The following ZFPM2 variants were observed in gnomAD, a reference collection of about 807,000 sequenced individuals.
ZFPM2 encodes zinc finger protein ZFPM2.
In ZFPM2, 20 loss-of-function variants were observed where a neutral mutation model predicts 98.6. The ratio of observed to expected loss-of-function variants is 0.20; its 90% CI spans 0.14 to 0.29. ZFPM2 has a LOEUF of 0.29. Ranked by LOEUF, ZFPM2 falls within the 10% of genes least tolerant of loss-of-function variation. ZFPM2 has a pLI of 1.00. For synonymous variants in ZFPM2, 518 were observed against 502.7 expected, an observed-to-expected ratio of 1.03 and a Z score of -0.41; for missense variants, 1,310 against 1,388.6, an observed-to-expected ratio of 0.94 and a Z score of 0.90.
At chr8:105,633,489 G>GA (rs756542224) in intron 4 of ZFPM2, among the ~76,000 whole-genome samples, 1 of 152,230 alleles carries the variant, frequency 6.6e-6, no homozygotes, top group East Asian at 1.9e-4. Flanking sequence ...AAATAATTTG[G>GA]ATGCCAAACA....
chr8:105,448,511 G>A (rs990502361), intron 3 of ZFPM2, among the ~76,000 whole-genome samples: 6 of 151,932 alleles, frequency 3.9e-5, no homozygotes, highest in Non-Finnish European at 5.9e-5. Flanking sequence ...CATGCTGTCT[G>A]TATTCTCATT....
intron 3 of ZFPM2, among the ~76,000 whole-genome samples, chr8:105,538,167 A>G (rs1299145592): frequency 6.6e-6 from 1 of 151,956 alleles, no homozygotes; most frequent in Admixed American, 6.6e-5. Flanking sequence ...GTCTGCACAT[A>G]TTGATTGTAA....
At chr8:105,603,035 T>C (rs1816124109) in intron 4 of ZFPM2, among the ~76,000 whole-genome samples, 1 of 152,158 alleles carries the variant, frequency 6.6e-6, no homozygotes, top group Non-Finnish European at 1.5e-5. Flanking sequence ...TGTACTATGA[T>C]ACATGGAGAA....
intron 3 of ZFPM2, among the ~76,000 whole-genome samples, chr8:105,487,221 T>C (rs1813247171): frequency 6.6e-6 from 1 of 152,104 alleles, no homozygotes; most frequent in African/African-American, 2.4e-5. Context: ...CAAGCGATCC[T>C]CCCACCGCAG....
chr8:105,580,827 C>CTCTCTCTATA (rs1277698205), intron 4 of ZFPM2, among the ~76,000 whole-genome samples: 15 of 131,468 alleles, frequency 1.1e-4, no homozygotes, highest in African/African-American at 4.2e-4. Context: ...CTCTCTCTCT[C>CTCTCTCTATA]TATATATATA....
At chr8:105,793,455 G>T (rs1037979725) in intron 6 of ZFPM2, among the ~76,000 whole-genome samples, 6 of 152,124 alleles carry the variant, frequency 3.9e-5, no homozygotes, top group South Asian at 2.1e-4. Context: ...CGAGAGATCC[G>T]CTGTTAGTCT....
At chr8:105,417,029 G>T (rs1315932976) in intron 1 of ZFPM2, among the ~76,000 whole-genome samples, 3 of 152,062 alleles carry the variant, frequency 2.0e-5, no homozygotes, top group Non-Finnish European at 4.4e-5. Flanking sequence ...CATGCCTGTA[G>T]TCCCAGCTTC....
At chr8:105,633,208 A>G (rs1259970110) in intron 4 of ZFPM2, among the ~76,000 whole-genome samples, 1 of 152,230 alleles carries the variant, frequency 6.6e-6, no homozygotes, top group Non-Finnish European at 1.5e-5. Flanking sequence ...GATAGCATGC[A>G]TCATGTGGAA....
intron 3 of ZFPM2, among the ~76,000 whole-genome samples, chr8:105,471,689 C>T (rs181122737): frequency 7.8e-4 from 119 of 152,180 alleles, no homozygotes; most frequent in Non-Finnish European, 1.5e-3. Flanking sequence ...TACATCCTCT[C>T]CAAATCCAAA....
In ZFPM2 at chr8:105,561,381, A is replaced by G. The variant is rs776263816; in HGVS notation, c.320A>G (p.Gln107Arg). 2.9e-5 allele frequency: 46 copies of G among 1,613,538 alleles called. 1 individual carries two copies. The East Asian group carries it at 1.0e-3, about 36-fold the overall frequency. ...WDGPGELEVF[Q>R]KDGERKIQSR... is the part of the protein sequence containing the mutation. ...TCTGCAGGAGAGCTGGAGGTGTTTC[A>G]GAAAGATGGGGAACGAAAAATTCAG... is the stretch of plus-strand genomic sequence containing the variant. The change falls in exon 4 of 8, where the codon CAG becomes CGG. Residue 107 changes from glutamine (Q) to arginine (R), a missense_variant. Physicochemically the swap from Gln to Arg is conservative, Grantham distance 43 (BLOSUM62 1). Transcript: ENST00000407775.
chr8:105,332,221 G>A (rs1220100930), intron 1 of ZFPM2, among the ~76,000 whole-genome samples: 1 of 151,632 alleles, frequency 6.6e-6, no homozygotes, highest in Non-Finnish European at 1.5e-5. Flanking sequence ...CCCATTTAAA[G>A]TTGCCTCAGT....
Position 105,802,052 on chromosome 8 carries a change from G to C in ZFPM2, c.1970G>C (p.Ser657Thr). The C allele has an allele frequency of 6.2e-7, 1 of 1,613,740 alleles. No homozygotes were observed. Among genetic ancestry groups the C allele is most frequent in the Non-Finnish European group, 8.5e-7 (1 of 1,179,844 alleles). The change falls in exon 8 of 8, where the codon AGT becomes ACT. Residue 657 changes from serine (S) to threonine (T), a missense_variant. Physicochemically the swap from Ser to Thr is moderately conservative, Grantham distance 58 (BLOSUM62 1). Transcript: ENST00000407775. ...CAAACTAAGAAGCTCTCCACCTCCA[G>C]TAACAATGATGACAAAATTAATGGA... is the stretch of plus-strand genomic sequence containing the variant. ...STQTKKLSTSSNNDDKINGKP... is the reference protein window; with the variant it reads ...STQTKKLSTSTNNDDKINGKP...
At chr8:105,357,259 C>A (rs907496231) in intron 1 of ZFPM2, among the ~76,000 whole-genome samples, 1 of 152,168 alleles carries the variant, frequency 6.6e-6, no homozygotes, top group African/African-American at 2.4e-5. Flanking sequence ...TCAGTATTCT[C>A]CTAATCCACA....
chr8:105,712,498 C>A (rs551412430), intron 5 of ZFPM2, among the ~76,000 whole-genome samples: 1 of 151,700 alleles, frequency 6.6e-6, no homozygotes, highest in Admixed American at 6.6e-5. Flanking sequence ...TCAAATCTTA[C>A]CAGCTTGTAA....
At chr8:105,775,747 G>A (rs1481268923) in intron 5 of ZFPM2, among the ~76,000 whole-genome samples, 1 of 152,026 alleles carries the variant, frequency 6.6e-6, no homozygotes, top group African/African-American at 2.4e-5. Context: ...CTACCTCAGT[G>A]CCCCACCGCA....
chr8:105,735,711 T>A (rs1812052339), intron 5 of ZFPM2, among the ~76,000 whole-genome samples: 1 of 151,942 alleles, frequency 6.6e-6, no homozygotes, highest in Admixed American at 6.6e-5. Context: ...ATACTTTGAG[T>A]CATTTTTAGG....
intron 5 of ZFPM2, among the ~76,000 whole-genome samples, chr8:105,651,548 C>G (rs1817177012): frequency 6.6e-6 from 1 of 151,950 alleles, no homozygotes; most frequent in Non-Finnish European, 1.5e-5. Flanking sequence ...TGATAACCTT[C>G]TCACCATCTG....
chr8:105,799,026 C>T (rs1813921709), intron 7 of ZFPM2, 78 bp downstream of exon 7: 23 of 1,238,790 alleles, frequency 1.9e-5, no homozygotes, highest in South Asian at 4.3e-5. Context: ...TACATGTATA[C>T]GTCTATATCT....
chr8:105,346,983 A>AT (rs1249762627), intron 1 of ZFPM2, among the ~76,000 whole-genome samples: 1 of 152,208 alleles, frequency 6.6e-6, no homozygotes, highest in Non-Finnish European at 1.5e-5. Flanking sequence ...AGATGTAGCC[A>AT]TAGGTACAAT....
Sources: gnomAD v4.1 joint callset for allele counts (sites outside exome capture counted in the v4.1 genomes callset) on GRCh38, gnomAD v4.1.1 for gene constraint, MANE v1.5 for transcripts, NCBI Gene and HGNC (gene_info 2026-07-23, HGNC 2026-07-21) for gene names.